The following AGBL1 variants were observed in gnomAD, a reference collection of about 807,000 sequenced individuals.
AGBL1 encodes AGBL carboxypeptidase 1, also known as cytosolic carboxypeptidase 4.
Under a neutral mutation model 118.9 loss-of-function variants are expected in AGBL1, and 130 were observed. That is an observed-to-expected ratio of 1.09 (90% CI 0.95 to 1.26). The LOEUF (loss-of-function observed/expected upper bound fraction) is 1.26. AGBL1 is among the 50% of genes most tolerant of loss of function. AGBL1 has a pLI of 0.00. For missense variants in AGBL1, 1,584 were observed against 1,298.1 expected, an observed-to-expected ratio of 1.22 and a Z score of -3.38; for synonymous variants, 555 against 478.9, an observed-to-expected ratio of 1.16 and a Z score of -2.08.
intron 21 of AGBL1, among the ~76,000 whole-genome samples, chr15:86,627,991 T>C (rs865809634): frequency 2.2e-4 from 33 of 152,250 alleles, no homozygotes; most frequent in Middle Eastern, 3.4e-3. Flanking sequence ...ACGGGGCTGT[T>C]TAGGAGAGCT....
intron 21 of AGBL1, among the ~76,000 whole-genome samples, chr15:86,619,250 C>T (rs1326510452): frequency 1.3e-5 from 2 of 152,080 alleles, no homozygotes; most frequent in African/African-American, 2.4e-5. Context: ...TGACACTGAA[C>T]CTCCTACAAT....
intron 18 of AGBL1, among the ~76,000 whole-genome samples, chr15:86,463,172 C>T (rs2082354869): frequency 6.6e-6 from 1 of 152,156 alleles, no homozygotes; most frequent in African/African-American, 2.4e-5. Context: ...TTTTGATTTG[C>T]ATTTCTCTGA....
intron 22 of AGBL1, among the ~76,000 whole-genome samples, chr15:86,736,288 G>T (rs575907862): frequency 1.3e-5 from 2 of 152,118 alleles, no homozygotes; most frequent in African/African-American, 2.4e-5. Flanking sequence ...GCTGAGGCAG[G>T]AGAATGGCTT....
intron 18 of AGBL1, among the ~76,000 whole-genome samples, chr15:86,470,834 T>C (rs2082470308): frequency 6.6e-6 from 1 of 152,138 alleles, no homozygotes; most frequent in African/African-American, 2.4e-5. Context: ...AGTTCTTTGT[T>C]AGTGTATAGA....
rs141943909 is a variant in AGBL1 at position 86,818,518 on chromosome 15, G to C, written c.3159-88569G>C. Among the ~76,000 whole-genome samples the C allele has an allele frequency of 2.5e-3, 374 of 152,308 alleles. 3 individuals carry two copies. The highest frequency in any genetic ancestry group is 8.3e-3 in the African/African-American group (345 of 41,562). ...GAAACCACTCCCCCAAACCCCAACT[G>C]TGGTCCCTGGAAAATTGTCAAATTG... On this transcript the variant is annotated intron_variant, in intron 22 of 22. Transcript: ENST00000614907.
rs1489629055 is a variant in AGBL1, at chr15:86,848,041, C to T, written c.3159-59046C>T. ...GCTGCTTAGTGTGGGGTGTTTTTTT[C>T]CTGCTTGCTATAAATCAGGTCAATC... On this transcript the variant is annotated intron_variant, in intron 22 of 22. Transcript: ENST00000614907. 5.3e-5 allele frequency among the ~76,000 whole-genome samples: 8 copies of T among 152,126 alleles called. No individual in the cohort carries two copies. In the South Asian group the frequency reaches 6.2e-4, roughly 12 times the overall value.
intron 1 of AGBL1, chr15:86,139,792 T>C (rs1029667852): frequency 6.4e-6 from 1 of 155,274 alleles, no homozygotes; most frequent in Non-Finnish European, 1.4e-5. Flanking sequence ...ACCAGGGCAT[T>C]CCTTAGTTTA....
At chr15:86,838,941 TAAAAAAAAAAAAAAA>T (rs386383698) in intron 22 of AGBL1, among the ~76,000 whole-genome samples, 2 of 48,006 alleles carry the variant, frequency 4.2e-5, no homozygotes, top group Non-Finnish European at 3.4e-5. Flanking sequence ...TGAGATCCTG[TAAAAAAAAAAAAAAA>T]AAAAAAAAAA....
chr15:86,863,204 A>G (rs756138252), intron 22 of AGBL1, among the ~76,000 whole-genome samples: 2 of 152,218 alleles, frequency 1.3e-5, no homozygotes, highest in Non-Finnish European at 2.9e-5. Context: ...CTGGAAAGGC[A>G]TATAGAGACT....
In AGBL1 at chr15:86,247,677, A is replaced by T; in HGVS notation, c.533A>T (p.Asn178Ile). 6.2e-7 allele frequency: 1 copy of T among 1,602,972 alleles called. No homozygotes were observed. Among genetic ancestry groups the T allele is most frequent in the Non-Finnish European group, 8.5e-7 (1 of 1,174,846 alleles). ...CCTTTCCCTTTGTTTTCAGAGTCGA[A>T]CGGCCGCAGAGCAGTGAACCGAGGC... ...VLAALLKSKS[N>I]GRRAVNRGYV... The change falls in exon 7 of 23, where the codon AAC becomes ATC. Residue 178 changes from asparagine (N) to isoleucine (I), a missense_variant. Asn to Ile is a moderately radical substitution (Grantham distance 149). Transcript: ENST00000614907.
At chr15:86,785,487 G>C (rs1057229770) in intron 22 of AGBL1, among the ~76,000 whole-genome samples, 3 of 149,882 alleles carry the variant, frequency 2.0e-5, no homozygotes, top group African/African-American at 7.4e-5. Flanking sequence ...CGATCCTCCT[G>C]CCTCAGCCTC....
At chr15:86,204,613 G>A (rs537341796) in intron 5 of AGBL1, among the ~76,000 whole-genome samples, 22 of 151,058 alleles carry the variant, frequency 1.5e-4, no homozygotes, top group East Asian at 9.8e-4. Context: ...TTTTTGAGAC[G>A]GAGTCTCACT....
chr15:86,933,179 C>A (rs1374019007), intron 23 of AGBL1, among the ~76,000 whole-genome samples: 1 of 152,162 alleles, frequency 6.6e-6, no homozygotes, highest in African/African-American at 2.4e-5. Flanking sequence ...AGAAATCTAA[C>A]GTGGCTGACT....
chr15:86,426,836 G>T (rs2081873351), intron 18 of AGBL1, among the ~76,000 whole-genome samples: 1 of 152,256 alleles, frequency 6.6e-6, no homozygotes, highest in Admixed American at 6.5e-5. Flanking sequence ...GCACCATCTT[G>T]GTTCACTGCA....
chr15:86,650,573 T>C (rs1401995057), intron 21 of AGBL1, among the ~76,000 whole-genome samples: 12 of 152,176 alleles, frequency 7.9e-5, no homozygotes, highest in Non-Finnish European at 1.5e-5. Context: ...CTATTGCTTG[T>C]TTTTCTTCAG....
At chr15:86,147,985 A>T (rs1436190599) in intron 3 of AGBL1, among the ~76,000 whole-genome samples, 1 of 152,206 alleles carries the variant, frequency 6.6e-6, no homozygotes, top group Non-Finnish European at 1.5e-5. Context: ...TACCCAGGCA[A>T]ACAAGGTCTG....
intron 24 of AGBL1, among the ~76,000 whole-genome samples, chr15:87,021,533 G>T (rs1307600786): frequency 6.6e-6 from 1 of 152,128 alleles, no homozygotes; most frequent in Admixed American, 6.5e-5. Context: ...CACAGCAAAT[G>T]CAACTCTCAT....
intron 18 of AGBL1, among the ~76,000 whole-genome samples, chr15:86,498,291 T>C (rs759439048): frequency 2.0e-5 from 3 of 151,970 alleles, no homozygotes; most frequent in Non-Finnish European, 2.9e-5. Context: ...CTTCAATAAC[T>C]AGACAGTAGA....
chr15:86,648,746 A>G (rs2469184), intron 21 of AGBL1, among the ~76,000 whole-genome samples: 81,882 of 151,894 alleles, frequency 0.54, 22,207 homozygotes, highest in Middle Eastern at 0.67. Context: ...GAGATGAACT[A>G]GTAGTATAGT....
Sources: allele counts gnomAD v4.1 joint callset (sites outside exome capture counted in the v4.1 genomes callset), GRCh38; gene constraint gnomAD v4.1.1; transcripts MANE v1.5; gene names NCBI Gene and HGNC (gene_info 2026-07-23, HGNC 2026-07-21).